Variants in ST3GAL2 observed in about 807,000 individuals in gnomAD.
ST3GAL2 encodes the protein ST3 beta-galactoside alpha-2,3-sialyltransferase 2.
In ST3GAL2, 16 loss-of-function variants were observed where a neutral mutation model predicts 37.5. That is an observed-to-expected ratio of 0.43 (90% CI 0.29 to 0.65). ST3GAL2 has a LOEUF of 0.65. Among genes scored for constraint, ST3GAL2 ranks in the 30% least tolerant of loss-of-function variants. The pLI is 0.17. For missense variants in ST3GAL2, 383 were observed against 487.8 expected, an observed-to-expected ratio of 0.79 and a Z score of 2.02; for synonymous variants, 238 against 202.9, an observed-to-expected ratio of 1.17 and a Z score of -1.47.
chr16:70,399,653 T>G lies in ST3GAL2; in HGVS notation c.-1003-120A>C, dbSNP rs943318801. The G allele has an allele frequency of 1.8e-5, 7 of 387,728 alleles. No homozygotes were observed. The East Asian group carries it at 2.6e-4, about 14-fold the overall frequency. The allele number at this position is 387,728 out of a possible 1,614,324, so 24.0% of individuals were successfully genotyped here. On this transcript the variant is annotated intron_variant, in intron 1 of 6. Transcript: ENST00000342907. ...AGGAGATGCCCACTTAATCAGAGGG[T>G]GGACATGACCAAGGGCTCTGCCCTC...
intron 6 of ST3GAL2, among the ~76,000 whole-genome samples, chr16:70,382,074 T>A (rs1042942566): frequency 1.4e-5 from 2 of 143,772 alleles, no homozygotes; most frequent in Admixed American, 1.4e-4. Context: ...TTTTTTTTAA[T>A]GGAGTACTTT....
intron 3 of ST3GAL2, chr16:70,393,648 C>G (rs765835156): frequency 2.0e-5 from 3 of 152,306 alleles, no homozygotes; most frequent in Non-Finnish European, 4.4e-5. Flanking sequence ...CCCTCTAAGA[C>G]CAGCTCCCAT....
In ST3GAL2 at chr16:70,398,931, A is replaced by G; in HGVS notation, c.-401T>C. On this transcript the variant is annotated 5_prime_UTR_variant, in exon 2 of 7. Transcript: ENST00000342907. Reference sequence around the variant, plus strand: ...GGCTTGAAATAATCCAGTCTGGAGCAGTCGGGGTCCTTGTGGTTCATGAGC... The same window carrying G: ...GGCTTGAAATAATCCAGTCTGGAGCGGTCGGGGTCCTTGTGGTTCATGAGC... 2.3e-6 allele frequency: 1 copy of G among 444,278 alleles called. No homozygotes were observed. The allele number at this position is 444,278 out of a possible 1,614,324, so 27.5% of individuals were successfully genotyped here.
intron 1 of ST3GAL2, among the ~76,000 whole-genome samples, chr16:70,424,085 A>C (rs1567676667): frequency 6.6e-6 from 1 of 151,010 alleles, no homozygotes; most frequent in African/African-American, 2.4e-5. Flanking sequence ...CAAAACAAAA[A>C]AAGCCATTCT....
intron 3 of ST3GAL2, among the ~76,000 whole-genome samples, chr16:70,392,804 A>C (rs1180021768): frequency 6.6e-6 from 1 of 152,008 alleles, no homozygotes; most frequent in Non-Finnish European, 1.5e-5. Context: ...TTTGTTTTTG[A>C]GATAGGGTCT....
At chr16:70,389,108 G>A (rs111626676) in intron 3 of ST3GAL2, among the ~76,000 whole-genome samples, 117 of 140,212 alleles carry the variant, frequency 8.3e-4, no homozygotes, top group African/African-American at 2.9e-3. Context: ...GGCCGGGCGC[G>A]GTGGCTCACA....
intron 1 of ST3GAL2, among the ~76,000 whole-genome samples, chr16:70,434,989 C>A (rs985321485): frequency 6.6e-6 from 1 of 152,226 alleles, no homozygotes; most frequent in African/African-American, 2.4e-5. Context: ...GGTATCCTGT[C>A]CAGTGTGCAG....
chr16:70,408,410 T>G lies in ST3GAL2; in HGVS notation c.-1003-8877A>C, dbSNP rs1451264113. The stretch of plus-strand genomic sequence containing the variant: ...GGCAGAAGGAGCTGGGGCGGAGGGG[T>G]GGGGGTGGGCGCAGGTGGCCAGTTA... On this transcript the variant is annotated intron_variant, in intron 1 of 6. Coordinates refer to ENST00000342907, the MANE Select transcript of ST3GAL2 (RefSeq NM_006927.4). Among the ~76,000 whole-genome samples the G allele has an allele frequency of 7.7e-5, 11 of 143,540 alleles. No homozygotes were observed. The East Asian group carries it at 8.8e-4, about 11-fold the overall frequency. The allele number at this position is 143,540 out of a possible 152,430, so 94.2% of individuals were successfully genotyped here.
chr16:70,397,336 C>T (rs1423342041), intron 2 of ST3GAL2, among the ~76,000 whole-genome samples: 4 of 151,698 alleles, frequency 2.6e-5, no homozygotes, highest in Admixed American at 1.3e-4. Flanking sequence ...CCACCATGAC[C>T]GGCCTTCCCT....
rs956590277 is a variant in ST3GAL2 at position 70,415,143 on chromosome 16, G to C, written c.-1003-15610C>G. Among the ~76,000 whole-genome samples, 8 of 152,278 alleles carry C rather than the reference G, an allele frequency of 5.3e-5. No homozygotes were observed. The East Asian group carries it at 7.7e-4, about 15-fold the overall frequency. ...CCTGCCTCGGCCTCCCAAAGTGCTG[G>C]GATTACAGGCATGAGCCATCACGCC... On this transcript the variant is annotated intron_variant, in intron 1 of 6. Transcript: ENST00000342907.
At position 70,398,434 on chromosome 16, in the gene ST3GAL2, T is replaced by C; in HGVS notation, c.97A>G (p.Thr33Ala). 6.2e-7 allele frequency: 1 copy of C among 1,613,610 alleles called. No individual in the cohort carries two copies. Among genetic ancestry groups the C allele is most frequent in the Non-Finnish European group, 8.5e-7 (1 of 1,179,992 alleles). ...GCCCCTGAGTCCAGGTAGGGGAGCG[T>C]GGCCATGCTGTGGTGCGAGTAGGTG... The part of the protein sequence containing the change: ...LFTYSHHSMA[T>A]LPYLDSGALD... Residue 33 changes from threonine to alanine, a missense_variant, in exon 2 of 7, where the codon ACG becomes GCG. Thr to Ala is a moderately conservative substitution (Grantham distance 58). This residue lies in a region of ST3GAL2 where 223 missense variants were observed against 239.1 expected (regional missense o/e 0.93). Coordinates refer to ENST00000342907, the MANE Select transcript of ST3GAL2 (RefSeq NM_006927.4).
Position 70,381,821 on chromosome 16 carries a change from C to G in ST3GAL2, c.921G>C (p.Trp307Cys). The G allele has an allele frequency of 6.2e-7, 1 of 1,614,052 alleles. No homozygotes were observed. The highest frequency in any genetic ancestry group is 8.5e-7 in the Non-Finnish European group (1 of 1,179,934). Residue 307 changes from tryptophan to cysteine, a missense_variant, in exon 7 of 7, where the codon TGG (tryptophan) becomes TGC (cysteine). Transcript: ENST00000342907. ...YGFGADSRGN[W>C]HHYWENNRYA... is the part of the protein sequence containing the mutation. ...ACCGGTTGTTCTCCCAGTAGTGGTG[C>G]CAGTTGCCCCGGCTGTCGGCCCCGA... is the stretch of plus-strand genomic sequence containing the variant.
chr16:70,396,060 C>T (rs2047514145), intron 2 of ST3GAL2, among the ~76,000 whole-genome samples: 1 of 151,710 alleles, frequency 6.6e-6, no homozygotes, highest in African/African-American at 2.4e-5. Context: ...CAACCTCCGC[C>T]TCCCGGGTTC....
chr16:70,383,329 T>A, intron 4 of ST3GAL2, 94 bp from the exon 5 acceptor site: 1 of 1,268,846 alleles, frequency 7.9e-7, no homozygotes. Context: ...GGCAGGTGGA[T>A]CACCTGAGGC....
At position 70,376,404 on chromosome 16, in the gene ST3GAL2, C is replaced by T. The variant is rs577740984; in HGVS notation, c.*5285G>A. The T allele has an allele frequency of 6.6e-6, 1 of 152,354 alleles. No homozygotes were observed. The highest frequency in any genetic ancestry group is 2.4e-5 in the African/African-American group (1 of 41,576). The allele number at this position is 152,354 out of a possible 1,614,324, so 9.4% of individuals were successfully genotyped here. On this transcript the variant is annotated 3_prime_UTR_variant, in exon 7 of 7. Coordinates refer to ENST00000342907, the MANE Select transcript of ST3GAL2 (RefSeq NM_006927.4). ...GCTGCCAGAGAGTCTGTGCTGTTCT[C>T]AGCAGCACAAACAGTTGCTAGAGGA...
At chr16:70,389,640 ATTTTC>A (rs2047468992) in intron 3 of ST3GAL2, among the ~76,000 whole-genome samples, 1 of 151,150 alleles carries the variant, frequency 6.6e-6, no homozygotes, top group South Asian at 2.1e-4. Flanking sequence ...AATTTTTTGT[ATTTTC>A]AGTAGAGACG....
chr16:70,398,073 T>C, intron 2 of ST3GAL2, 119 bp downstream of exon 2: 1 of 1,047,196 alleles, frequency 9.5e-7, no homozygotes, highest in Admixed American at 2.5e-5. Context: ...TGTGATCCTA[T>C]AAATGGCTTG....
chr16:70,382,965 G>C, intron 5 of ST3GAL2, 41 bp from the exon 6 acceptor site: 12 of 1,605,492 alleles, frequency 7.5e-6, no homozygotes, highest in Non-Finnish European at 1.0e-5. Context: ...GGGGTTTAGG[G>C]GCAGAGATTC....
At chr16:70,405,540 TAAAAAAAAAAAAAAAAA>T (rs58998342) in intron 1 of ST3GAL2, among the ~76,000 whole-genome samples, 2 of 101,486 alleles carry the variant, frequency 2.0e-5, no homozygotes, top group Non-Finnish European at 3.9e-5. Flanking sequence ...GACTCCGTCT[TAAAAAAAAAAAAAAAAA>T]AAAAAAAAAG....
Sources: gnomAD v4.1 joint callset for allele counts (sites outside exome capture counted in the v4.1 genomes callset) on GRCh38, gnomAD v4.1.1 for gene constraint, gnomAD v4.1.1 regional missense constraint, MANE v1.5 for transcripts, NCBI Gene and HGNC (gene_info 2026-07-23, HGNC 2026-07-21) for gene names.